Variants in TBC1D16 observed in about 807,000 individuals in gnomAD.
TBC1D16 encodes the protein TBC1 domain family member 16.
In TBC1D16, 58 loss-of-function variants were observed where a neutral mutation model predicts 74.7. That is an observed-to-expected ratio of 0.78 (90% confidence interval 0.63 to 0.97). TBC1D16 has a LOEUF of 0.97. Ranked by LOEUF, TBC1D16 falls within the 50% of genes least tolerant of loss-of-function variation. TBC1D16 has a pLI of 0.00. For missense variants in TBC1D16, 1,014 were observed against 1,079.5 expected (o/e 0.94, Z 0.85); for synonymous variants, 493 against 474.7 (o/e 1.04, Z -0.50).
In TBC1D16 at chr17:79,981,445, AG is replaced by A. The variant is rs1465405853; in HGVS notation, c.780-28628del. Among the ~76,000 whole-genome samples, 2 of 152,212 alleles carry A rather than the reference AG, an allele frequency of 1.3e-5. No individual in the cohort carries two copies. Among genetic ancestry groups the A allele is most frequent in the Non-Finnish European group, 2.9e-5 (2 of 68,026 alleles). Reference sequence around the variant, plus strand: ...ACCTCCTCAGAGCTTTCCGGAGAGAAGGGAGGAAGCCAGGGAAGCTCTGGGT... The same window carrying A: ...ACCTCCTCAGAGCTTTCCGGAGAGAAGGAGGAAGCCAGGGAAGCTCTGGGT... On this transcript the variant is annotated intron_variant, in intron 3 of 11. Transcript: ENST00000310924. This position sits in a 1 kb window ranked among gnomAD's most constrained non-coding sequence, Gnocchi z 6.9.
chr17:79,979,635 C>T lies in TBC1D16; in HGVS notation c.780-26817G>A, dbSNP rs1262166882. Among the ~76,000 whole-genome samples the T allele has an allele frequency of 6.6e-6, 1 of 152,052 alleles. No individual in the cohort carries two copies. The highest frequency in any genetic ancestry group is 6.6e-5 in the Admixed American group (1 of 15,260). ...TTATTCGGTGCCATAAAAAGGCACA[C>T]GTCGACCTTCACTGTTTCCTGCAAA... On this transcript the variant is annotated intron_variant, in intron 3 of 11. Transcript: ENST00000310924. This position sits in a 1 kb window ranked among gnomAD's most constrained non-coding sequence, Gnocchi z 4.8.
At position 79,993,171 on chromosome 17, in the gene TBC1D16, G is replaced by C. The variant is rs1396323475; in HGVS notation, c.779+16989C>G. Among the ~76,000 whole-genome samples, 1 of 152,224 alleles carries C rather than the reference G, an allele frequency of 6.6e-6. No homozygotes were observed. The highest frequency in any genetic ancestry group is 1.9e-4 in the East Asian group (1 of 5,196). ...TAACCCACCAGCACACAGCCAGGCA[G>C]AGCTGGGATGTGGCCAAGGACTTGG... On this transcript the variant is annotated intron_variant, in intron 3 of 11. Coordinates refer to ENST00000310924, the MANE Select transcript of TBC1D16 (RefSeq NM_019020.4). This position sits in a 1 kb window ranked among gnomAD's most constrained non-coding sequence, Gnocchi z 5.1.
Position 79,981,706 on chromosome 17 carries a change from C to T in TBC1D16, c.779+28454G>A, listed in dbSNP as rs944554010. ...CACCTCCCACACCGGAGGCAAGGGA[C>T]GCGCCACCCTCGGAGCGGCTCCCTC... On this transcript the variant is annotated intron_variant, in intron 3 of 11. Transcript: ENST00000310924. This position sits in a 1 kb window ranked among gnomAD's most constrained non-coding sequence, Gnocchi z 6.9. Among the ~76,000 whole-genome samples the T allele has an allele frequency of 6.6e-6, 1 of 152,248 alleles. No homozygotes were observed. Among genetic ancestry groups the T allele is most frequent in the African/African-American group, 2.4e-5 (1 of 41,474 alleles).
chr17:79,970,741 G>GC (rs934045962), intron 3 of TBC1D16, among the ~76,000 whole-genome samples: 48 of 152,290 alleles, frequency 3.2e-4, no homozygotes, highest in African/African-American at 1.1e-3. Flanking sequence ...CCTCAGTGAA[G>GC]CCTGCAGAAA....
chr17:80,013,712 G>A, intron 1 of TBC1D16, 103 bp from the exon 2 acceptor site: 1 of 670,800 alleles, frequency 1.5e-6, no homozygotes, highest in African/African-American at 1.8e-5. Flanking sequence ...GTTAACCACA[G>A]GAGCGTGTCC....
Position 79,975,186 on chromosome 17 carries a change from G to A in TBC1D16, c.780-22368C>T, listed in dbSNP as rs1489953708. Among the ~76,000 whole-genome samples the A allele has an allele frequency of 6.6e-6, 1 of 152,174 alleles. No individual in the cohort carries two copies. The highest frequency in any genetic ancestry group is 1.5e-5 in the Non-Finnish European group (1 of 68,050). On this transcript the variant is annotated intron_variant, in intron 3 of 11. Transcript: ENST00000310924. The surrounding 1 kb of genome is among the most constrained non-coding windows in gnomAD (Gnocchi z 4.5). ...TTTGGATTTTTGGACAGCGAGTTCT[G>A]TTTCATTTTGTTTTGTTTTTCCCTT...
rs979790453 is a variant in TBC1D16 at position 80,010,839 on chromosome 17, G to A, written c.182-82C>T. 77 of 1,085,712 alleles carry A rather than the reference G, an allele frequency of 7.1e-5. No individual in the cohort carries two copies. Among genetic ancestry groups the A allele is most frequent in the Non-Finnish European group, 8.1e-5 (64 of 792,082 alleles). The allele number at this position is 1,085,712 out of a possible 1,614,324, so 67.3% of individuals were successfully genotyped here. On this transcript the variant is annotated intron_variant, in intron 2 of 11. Coordinates refer to ENST00000310924, the MANE Select transcript of TBC1D16 (RefSeq NM_019020.4). This position sits in a 1 kb window ranked among gnomAD's most constrained non-coding sequence, Gnocchi z 8.8. The stretch of plus-strand genomic sequence containing the variant: ...TTGTGGTACCTTTGGCGAGCTGCTC[G>A]GAGAGGCCACTGCCCTTTAGTAAAG...
At chr17:79,959,100 C>G (rs1390083390) in intron 3 of TBC1D16, among the ~76,000 whole-genome samples, 1 of 152,082 alleles carries the variant, frequency 6.6e-6, no homozygotes, top group Non-Finnish European at 1.5e-5. Context: ...TAAACAGTAA[C>G]AATGCACAAT....
At chr17:79,977,341 G>A (rs1014908551) in intron 3 of TBC1D16, among the ~76,000 whole-genome samples, 8 of 152,192 alleles carry the variant, frequency 5.3e-5, no homozygotes, top group South Asian at 2.1e-4. Context: ...GAAGGGGTCC[G>A]TGTGGAGCAG....
chr17:80,027,069 A>G (rs1232997299), intron 1 of TBC1D16, among the ~76,000 whole-genome samples: 1 of 152,220 alleles, frequency 6.6e-6, no homozygotes, highest in Non-Finnish European at 1.5e-5. Context: ...AAGGACTCAG[A>G]GTTCATCAAA....
chr17:79,978,753 G>C (rs1468994985), intron 3 of TBC1D16, among the ~76,000 whole-genome samples: 1 of 152,212 alleles, frequency 6.6e-6, no homozygotes, highest in East Asian at 1.9e-4. Context: ...ATTCATTAAG[G>C]GCTGGAGACT....
At chr17:79,997,203 C>A (rs138833128) in intron 3 of TBC1D16, among the ~76,000 whole-genome samples, 133 of 152,298 alleles carry the variant, frequency 8.7e-4, no homozygotes, top group African/African-American at 2.9e-3. Context: ...GGATTCTAAA[C>A]ACACAAGCAC....
rs754415918 is a variant in TBC1D16, at chr17:79,952,768, A to T, written c.830T>A (p.Leu277His). ...AGLRFPDSNG[L>H]LQTPRWDEPQ... ...CTCGTCCCAGCGTGGGGTCTGCAGG[A>T]GGCCGTTGCTGTCCGGGAACCGCAG... is the stretch of plus-strand genomic sequence containing the variant. Residue 277 changes from leucine to histidine, a missense_variant, in exon 4 of 12, where the codon CTC (leucine) becomes CAC (histidine). Leu to His is a moderately conservative substitution (Grantham distance 99). Coordinates refer to ENST00000310924, the MANE Select transcript of TBC1D16 (RefSeq NM_019020.4). 3 of 1,611,968 alleles carry T rather than the reference A, an allele frequency of 1.9e-6. No individual in the cohort carries two copies. The East Asian group carries it at 6.7e-5, about 36-fold the overall frequency.
In TBC1D16 at chr17:79,986,564, C is replaced by G. The variant is rs993187925; in HGVS notation, c.779+23596G>C. The stretch of plus-strand genomic sequence containing the variant: ...GGCCAAAGAGAGACCACACGTGCCG[C>G]CCCCTGCCGAAGCCTGGCCTTTGAA... On this transcript the variant is annotated intron_variant, in intron 3 of 11. Coordinates refer to ENST00000310924, the MANE Select transcript of TBC1D16 (RefSeq NM_019020.4). This position sits in a 1 kb window ranked among gnomAD's most constrained non-coding sequence, Gnocchi z 6.0. Among the ~76,000 whole-genome samples, 3 of 152,194 alleles carry G rather than the reference C, an allele frequency of 2.0e-5. No homozygotes were observed. Among genetic ancestry groups the G allele is most frequent in the African/African-American group, 7.2e-5 (3 of 41,446 alleles).
intron 3 of TBC1D16, among the ~76,000 whole-genome samples, chr17:79,976,880 AG>A: frequency 6.6e-6 from 1 of 152,218 alleles, no homozygotes; most frequent in East Asian, 1.9e-4. Flanking sequence ...GCTCCATCCC[AG>A]CCCCTCTCAT....
chr17:80,005,560 G>A (rs1307835708), intron 3 of TBC1D16, among the ~76,000 whole-genome samples: 1 of 152,252 alleles, frequency 6.6e-6, no homozygotes, highest in Non-Finnish European at 1.5e-5. Context: ...CCCCCGGCTC[G>A]GGGAAGCTCA....
In TBC1D16 at chr17:79,994,671, G is replaced by C. The variant is rs1018656074; in HGVS notation, c.779+15489C>G. ...ACTCCTGACCTCAGGTGATCCACCA[G>C]CCTCGGCATCCCAAAGTGCTGGGAT... On this transcript the variant is annotated intron_variant, in intron 3 of 11. Coordinates refer to ENST00000310924, the MANE Select transcript of TBC1D16 (RefSeq NM_019020.4). The surrounding 1 kb of genome is among the most constrained non-coding windows in gnomAD (Gnocchi z 4.6). 2.6e-5 allele frequency among the ~76,000 whole-genome samples: 4 copies of C among 152,104 alleles called. No individual in the cohort carries two copies. The highest frequency in any genetic ancestry group is 5.9e-5 in the Non-Finnish European group (4 of 68,020).
chr17:79,952,291 C>A (rs913743310), intron 4 of TBC1D16: 4 of 193,098 alleles, frequency 2.1e-5, no homozygotes, highest in African/African-American at 9.3e-5. Flanking sequence ...CGGAAAGCTG[C>A]GGCCCGTCCC....
Position 79,950,886 on chromosome 17 carries a change from G to C in TBC1D16, c.1090-308C>G. ...TCGTTCGGCCTAACTTCCCTCTGCC[G>C]GGAGGGCCTGCAATGAATTACATGT... On this transcript the variant is annotated intron_variant, in intron 5 of 11. Coordinates refer to ENST00000310924, the MANE Select transcript of TBC1D16 (RefSeq NM_019020.4). The surrounding 1 kb of genome is among the most constrained non-coding windows in gnomAD (Gnocchi z 4.6). The C allele has an allele frequency of 3.4e-6, 5 of 1,482,142 alleles. No individual in the cohort carries two copies. Among genetic ancestry groups the C allele is most frequent in the Non-Finnish European group, 3.6e-6 (4 of 1,111,020 alleles). 91.8% of individuals were successfully genotyped at this position (1,482,142 alleles called of 1,614,324 possible).
Sources: allele counts gnomAD v4.1 joint callset (sites outside exome capture counted in the v4.1 genomes callset), GRCh38; gene constraint gnomAD v4.1.1; non-coding constraint Gnocchi (gnomAD v3.1); transcripts MANE v1.5; gene names NCBI Gene and HGNC (gene_info 2026-07-23, HGNC 2026-07-21).